The following CNTN4 variants were observed in gnomAD, a reference collection of about 807,000 sequenced individuals.
CNTN4 encodes contactin 4.
CNTN4 carries 77 observed loss-of-function variants against 122.5 expected under a neutral mutation model. The observed-to-expected ratio is 0.63, with a 90% CI of 0.52 to 0.76. CNTN4 has a LOEUF of 0.76. Among genes scored for constraint, CNTN4 ranks in the 30% least tolerant of loss-of-function variants. The probability of loss-of-function intolerance (pLI) is 0.00; values close to 1 mark genes in which losing one functional copy is unlikely to be tolerated. For synonymous variants in CNTN4, 512 were observed against 447.0 expected, an observed-to-expected ratio of 1.15 and a Z score of -1.83; for missense variants, 1,256 against 1,259.1, an observed-to-expected ratio of 1.00 and a Z score of 0.04.
rs904851712 is a variant in CNTN4 at position 2,497,447 on chromosome 3, C to G, written c.-88-73969C>G. Among the ~76,000 whole-genome samples the G allele has an allele frequency of 3.9e-5, 6 of 152,262 alleles. No individual in the cohort carries two copies. The East Asian group carries it at 1.2e-3, about 29-fold the overall frequency. ...AGAATGTGGTACATTTTCACACCTA[C>G]TGTTAGTAGTTCTCACCTTGACTTG... On this transcript the variant is annotated intron_variant, in intron 3 of 24. Coordinates refer to ENST00000418658, the MANE Select transcript of CNTN4 (RefSeq NM_175607.3).
At chr3:2,939,291 T>G (rs1167923529) in intron 13 of CNTN4, among the ~76,000 whole-genome samples, 1 of 152,122 alleles carries the variant, frequency 6.6e-6, no homozygotes, top group Non-Finnish European at 1.5e-5. Context: ...AGGGTACATA[T>G]AGTAGAATTA....
chr3:2,866,412 G>A (rs1401252677), intron 7 of CNTN4: 4 of 1,108,598 alleles, frequency 3.6e-6, no homozygotes, highest in African/African-American at 1.6e-5. Flanking sequence ...GGCACCCTGG[G>A]TCTGTAATTT....
intron 3 of CNTN4, among the ~76,000 whole-genome samples, chr3:2,401,476 T>C (rs553660888): frequency 6.6e-6 from 1 of 152,150 alleles, no homozygotes; most frequent in Non-Finnish European, 1.5e-5. Context: ...GATAATAAAA[T>C]AGAGTTTTCA....
At chr3:2,472,153 CAAAA>C (rs570896250) in intron 3 of CNTN4, among the ~76,000 whole-genome samples, 9 of 91,000 alleles carry the variant, frequency 9.9e-5, no homozygotes, top group African/African-American at 3.2e-4. Context: ...AATTCCATCT[CAAAA>C]AAAAAAAAAA....
intron 13 of CNTN4, among the ~76,000 whole-genome samples, chr3:2,947,675 G>A (rs2094693798): frequency 6.6e-6 from 1 of 152,178 alleles, no homozygotes; most frequent in Non-Finnish European, 1.5e-5. Flanking sequence ...GTGAATGGCA[G>A]GTTGTCAATT....
At chr3:2,558,863 C>T (rs192489384) in intron 3 of CNTN4, among the ~76,000 whole-genome samples, 3 of 152,132 alleles carry the variant, frequency 2.0e-5, no homozygotes, top group Non-Finnish European at 4.4e-5. Context: ...AATGATCACT[C>T]TATCTCATTT....
At position 2,241,675 on chromosome 3, in the gene CNTN4, A is replaced by G. The variant is rs1036244599; in HGVS notation, c.-144-97503A>G. ...ATCCAGAACACATTGCTTTGTGACC[A>G]AACACATTCTCTCTGTATCTGCCTC... On this transcript the variant is annotated intron_variant, in intron 2 of 24. Coordinates refer to ENST00000418658, the MANE Select transcript of CNTN4 (RefSeq NM_175607.3). Among the ~76,000 whole-genome samples, 8 of 152,322 alleles carry G rather than the reference A, an allele frequency of 5.3e-5. No individual in the cohort carries two copies. The South Asian group carries it at 1.5e-3, about 28-fold the overall frequency.
chr3:2,121,256 C>G (rs985540313), intron 2 of CNTN4, among the ~76,000 whole-genome samples: 2 of 152,066 alleles, frequency 1.3e-5, no homozygotes, highest in East Asian at 1.9e-4. Context: ...TCCCAGCACT[C>G]TGGGAGGCCG....
intron 7 of CNTN4, among the ~76,000 whole-genome samples, chr3:2,858,877 A>G (rs572917244): frequency 1.2e-4 from 19 of 152,344 alleles, no homozygotes; most frequent in Non-Finnish European, 2.1e-4. Flanking sequence ...GCTCATTAAC[A>G]TGTTCATTAC....
intron 2 of CNTN4, among the ~76,000 whole-genome samples, chr3:2,181,323 T>C (rs17786686): frequency 0.045 from 6,774 of 152,124 alleles, 207 homozygotes; most frequent in Non-Finnish European, 0.067. Context: ...GTACCAGATA[T>C]GTGGGTAGTG....
chr3:2,661,034 T>C lies in CNTN4; in HGVS notation c.56-75181T>C, dbSNP rs17018146. ...GTTTCAAGCTCTTCCCATGATTTTTTGGTATTATAGTTAAGGAGCGGAGGT... is the reference window on the plus strand; with the variant it reads ...GTTTCAAGCTCTTCCCATGATTTTTCGGTATTATAGTTAAGGAGCGGAGGT... On this transcript the variant is annotated intron_variant, in intron 4 of 24. Transcript: ENST00000418658. 6.4e-4 allele frequency among the ~76,000 whole-genome samples: 98 copies of C among 152,340 alleles called. 1 individual carries two copies. The East Asian group carries it at 9.1e-3, about 14-fold the overall frequency.
At position 2,689,902 on chromosome 3, in the gene CNTN4, A is replaced by G. The variant is rs77423736; in HGVS notation, c.56-46313A>G. Among the ~76,000 whole-genome samples the G allele has an allele frequency of 4.6e-3, 698 of 152,172 alleles. 5 individuals carry two copies. Among genetic ancestry groups the G allele is most frequent in the African/African-American group, 0.014 (585 of 41,524 alleles). On this transcript the variant is annotated intron_variant, in intron 4 of 24. Transcript: ENST00000418658. ...ATATATTCTTTATGAAAACCCAGTC[A>G]TATCCTGTGAGGTAGGGGCGTGTGT...
intron 3 of CNTN4, among the ~76,000 whole-genome samples, chr3:2,451,196 A>G (rs146707831): frequency 1.2e-3 from 190 of 152,302 alleles, no homozygotes; most frequent in African/African-American, 4.3e-3. Flanking sequence ...AACTAGGTAT[A>G]TTATTATCCA....
rs150448178 is a variant in CNTN4 at position 2,763,750 on chromosome 3, G to A, written c.358+18053G>A. Reference sequence around the variant, plus strand: ...TTATTGAATAAGGAATCCTTTCCCCGTTGTTTGGTTTTGTCAGGTTTGTTG... The same window carrying A: ...TTATTGAATAAGGAATCCTTTCCCCATTGTTTGGTTTTGTCAGGTTTGTTG... On this transcript the variant is annotated intron_variant, in intron 6 of 24. Coordinates refer to ENST00000418658, the MANE Select transcript of CNTN4 (RefSeq NM_175607.3). Among the ~76,000 whole-genome samples, 86 of 152,160 alleles carry A rather than the reference G, an allele frequency of 5.7e-4. No individual in the cohort carries two copies. In the East Asian group the frequency reaches 0.013, roughly 23 times the overall value.
intron 7 of CNTN4, among the ~76,000 whole-genome samples, chr3:2,856,030 A>C (rs1490355539): frequency 2.0e-5 from 3 of 152,172 alleles, no homozygotes; most frequent in Non-Finnish European, 4.4e-5. Flanking sequence ...CTTATTTACA[A>C]GCGACTTCTT....
rs139482011 is a variant in CNTN4, at chr3:2,895,792, T to C, written c.941-4893T>C. 8.9e-3 allele frequency among the ~76,000 whole-genome samples: 1,357 copies of C among 152,306 alleles called. 21 individuals are homozygous for C. Among genetic ancestry groups the C allele is most frequent in the African/African-American group, 0.03 (1,246 of 41,576 alleles). Reference sequence around the variant, plus strand: ...GCTCACGCCTGTCATCCCAGCACTTTGGGAGGCCGAGGCGGGCGGATCACA... The same window carrying C: ...GCTCACGCCTGTCATCCCAGCACTTCGGGAGGCCGAGGCGGGCGGATCACA... On this transcript the variant is annotated intron_variant, in intron 10 of 24. Coordinates refer to ENST00000418658, the MANE Select transcript of CNTN4 (RefSeq NM_175607.3).
chr3:2,372,208 C>G (rs549299464), intron 3 of CNTN4, among the ~76,000 whole-genome samples: 1 of 152,028 alleles, frequency 6.6e-6, no homozygotes, highest in South Asian at 2.1e-4. Flanking sequence ...TTTATTTATT[C>G]ATTTTTATTG....
At chr3:2,382,357 A>G (rs900357781) in intron 3 of CNTN4, among the ~76,000 whole-genome samples, 45 of 151,934 alleles carry the variant, frequency 3.0e-4, no homozygotes, top group Admixed American at 3.9e-4. Context: ...GGGTTTCACC[A>G]TCTTGGCCAG....
intron 3 of CNTN4, among the ~76,000 whole-genome samples, chr3:2,391,090 ACTGAC>A (rs532625560): frequency 2.0e-4 from 30 of 152,324 alleles, no homozygotes; most frequent in African/African-American, 6.7e-4. Flanking sequence ...TGGGCTCAGT[ACTGAC>A]CTTCCCTGCT....
Sources: allele counts gnomAD v4.1 joint callset (sites outside exome capture counted in the v4.1 genomes callset), GRCh38; gene constraint gnomAD v4.1.1; transcripts MANE v1.5; gene names NCBI Gene and HGNC (gene_info 2026-07-23, HGNC 2026-07-21).